CCL26: variants seen among roughly 807,000 people sequenced by gnomAD.
CCL26 encodes C-C motif chemokine 26.
Under a neutral mutation model 10.7 loss-of-function variants are expected in CCL26, and 10 were observed. The ratio of observed to expected loss-of-function variants is 0.93; its 90% CI spans 0.57 to 1.58. The LOEUF (loss-of-function observed/expected upper bound fraction) is 1.58, where lower values mean the gene tolerates loss of function less well. Among genes scored for constraint, CCL26 ranks in the 40% most tolerant of loss-of-function variants. The pLI is 0.00. For synonymous variants in CCL26, 43 were observed against 41.4 expected (o/e 1.04, Z -0.15); for missense variants, 116 against 111.0 (o/e 1.05, Z -0.20).
intron 1 of CCL26, among the ~76,000 whole-genome samples, chr7:75,789,094 T>G: frequency 8.4e-6 from 1 of 119,194 alleles, no homozygotes; most frequent in Admixed American, 9.6e-5. Context: ...GTTCATTTTT[T>G]GATTTTTTTT....
At chr7:75,786,777 A>G (rs4732397) in intron 1 of CCL26, among the ~76,000 whole-genome samples, 115,777 of 152,128 alleles carry the variant, frequency 0.76, 44,279 homozygotes, top group African/African-American at 0.83. Context: ...CCCACACAAG[A>G]CAAATGGTTC....
intron 1 of CCL26, among the ~76,000 whole-genome samples, chr7:75,783,800 AAAAG>A (rs1448975068): frequency 1.3e-5 from 2 of 151,740 alleles, no homozygotes; most frequent in Admixed American, 6.6e-5. Context: ...AAAAAAAAAA[AAAAG>A]AAAGAAACTA....
At chr7:75,781,748 C>T (rs891737837) in intron 1 of CCL26, among the ~76,000 whole-genome samples, 4 of 152,112 alleles carry the variant, frequency 2.6e-5, no homozygotes. Context: ...CGCCCCTGCC[C>T]GCCAGAGAAC....
chr7:75,775,409 C>G (rs1554528599), upstream of CCL26, among the ~76,000 whole-genome samples: 1 of 152,116 alleles, frequency 6.6e-6, no homozygotes, highest in Non-Finnish European at 1.5e-5. Context: ...GACAAGGATT[C>G]TGGTGCAAGT....
intron 1 of CCL26, among the ~76,000 whole-genome samples, chr7:75,780,906 T>C (rs1419528681): frequency 1.3e-5 from 2 of 152,172 alleles, no homozygotes; most frequent in East Asian, 3.8e-4. Context: ...ACAGTTTCGT[T>C]CCATGACTAG....
chr7:75,774,984 C>T (rs1802905012), upstream of CCL26, among the ~76,000 whole-genome samples: 1 of 152,046 alleles, frequency 6.6e-6, no homozygotes, highest in Non-Finnish European at 1.5e-5. Context: ...CTTTGGTAGG[C>T]TGATGGGGGT....
upstream of CCL26, among the ~76,000 whole-genome samples, chr7:75,775,090 C>T (rs1311962521): frequency 1.3e-5 from 2 of 151,712 alleles, no homozygotes; most frequent in Admixed American, 6.6e-5. Flanking sequence ...CATGGTGTCG[C>T]GTGTCTGTAA....
upstream of CCL26, among the ~76,000 whole-genome samples, chr7:75,773,767 G>A (rs554694239): frequency 2.0e-5 from 3 of 151,084 alleles, no homozygotes; most frequent in East Asian, 4.0e-4. Context: ...CTTGTAATCC[G>A]AGCAACTTGG....
At chr7:75,782,728 G>A (rs782399230) in intron 1 of CCL26, among the ~76,000 whole-genome samples, 54 of 151,936 alleles carry the variant, frequency 3.6e-4, no homozygotes, top group Non-Finnish European at 6.5e-4. Flanking sequence ...AATTTTTGTC[G>A]AAAAATGGGC....
At chr7:75,786,453 G>A (rs1022640129) in intron 1 of CCL26, among the ~76,000 whole-genome samples, 16 of 152,092 alleles carry the variant, frequency 1.1e-4, no homozygotes, top group African/African-American at 2.7e-4. Context: ...GGGACTACGC[G>A]TCAATATTTA....
At chr7:75,783,174 C>T (rs1803103965) in intron 1 of CCL26, among the ~76,000 whole-genome samples, 1 of 152,194 alleles carries the variant, frequency 6.6e-6, no homozygotes, top group African/African-American at 2.4e-5. Context: ...TGTTTAGGCT[C>T]TTTCTCATCA....
intron 1 of CCL26, among the ~76,000 whole-genome samples, chr7:75,788,084 C>T (rs1554530242): frequency 6.6e-6 from 1 of 152,008 alleles, no homozygotes; most frequent in African/African-American, 2.4e-5. Flanking sequence ...TCTCTCCATA[C>T]CACCCCCAAA....
intron 1 of CCL26, among the ~76,000 whole-genome samples, chr7:75,787,730 T>A (rs1423477228): frequency 2.1e-5 from 3 of 140,534 alleles, no homozygotes; most frequent in African/African-American, 7.9e-5. Context: ...AAGGACTCTG[T>A]CAAAAACAGA....
chr7:75,776,542 AAGGAAGGAAGGAAGGAAG>A (rs1554528721), upstream of CCL26, among the ~76,000 whole-genome samples: 1 of 100,894 alleles, frequency 9.9e-6, no homozygotes, highest in Non-Finnish European at 2.6e-5. Flanking sequence ...GGAAGGAAGG[AAGGAAGGAAGGAAGGAAG>A]GAAGGAAGGA....
At position 75,772,127 on chromosome 7, in the gene CCL26, C is replaced by A. The variant is rs1554528202; in HGVS notation, c.50G>T (p.Ser17Ile). Residue 17 changes from serine to isoleucine, a missense_variant, in exon 1 of 3, where the codon AGT (serine) becomes ATT (isoleucine). Coordinates refer to ENST00000005180, the MANE Select transcript of CCL26 (RefSeq NM_001371938.1). The stretch of plus-strand genomic sequence containing the variant: ...ACGTGTGGCAGTTCCAAGGTGGAGA[C>A]TCAGGAGGGAGGCCAGGAGCACAGC... ...ASAVLLASLL[S>I]LHLGTATRGS... 1.3e-6 allele frequency: 2 copies of A among 1,565,352 alleles called. No homozygotes were observed. The highest frequency in any genetic ancestry group is 4.8e-5 in the East Asian group (2 of 41,740).
rs1240778382 is a variant in CCL26, at chr7:75,772,193, C to A, written c.-17G>T. 1 of 1,545,492 alleles carries A rather than the reference C, an allele frequency of 6.5e-7. No individual in the cohort carries two copies. The highest frequency in any genetic ancestry group is 8.7e-7 in the Non-Finnish European group (1 of 1,142,988). ...GCCCATCATGATGCTGCAAATCAGGCCCTTCTCAGGTTTCTCCCAAACTCC... is the reference window on the plus strand; with the variant it reads ...GCCCATCATGATGCTGCAAATCAGGACCTTCTCAGGTTTCTCCCAAACTCC... On this transcript the variant is annotated 5_prime_UTR_variant, in exon 1 of 3. Transcript: ENST00000005180.
chr7:75,777,823 CTTT>C (rs112719253), intron 1 of CCL26, among the ~76,000 whole-genome samples: 1 of 137,036 alleles, frequency 7.3e-6, no homozygotes, highest in African/African-American at 2.7e-5. Flanking sequence ...CAAAACTAAT[CTTT>C]TTTTTTTTTT....
At position 75,772,186 on chromosome 7, in the gene CCL26, A is replaced by G. The variant is rs377727784; in HGVS notation, c.-10T>C. 1.7e-5 allele frequency: 27 copies of G among 1,548,230 alleles called. No homozygotes were observed. In the Middle Eastern group the frequency reaches 6.3e-4, roughly 36 times the overall value. On this transcript the variant is annotated 5_prime_UTR_variant, in exon 1 of 3. Coordinates refer to ENST00000005180, the MANE Select transcript of CCL26 (RefSeq NM_001371938.1). ...AGGAGAGGCCCATCATGATGCTGCA[A>G]ATCAGGCCCTTCTCAGGTTTCTCCC...
At chr7:75,783,042 C>T (rs183642133) in intron 1 of CCL26, among the ~76,000 whole-genome samples, 74 of 152,260 alleles carry the variant, frequency 4.9e-4, no homozygotes, top group African/African-American at 1.5e-3. Context: ...CTTACAGTTT[C>T]GTTCCGTGAC....
Sources: allele counts gnomAD v4.1 joint callset (sites outside exome capture counted in the v4.1 genomes callset), GRCh38; gene constraint gnomAD v4.1.1; transcripts MANE v1.5; gene names NCBI Gene and HGNC (gene_info 2026-07-23, HGNC 2026-07-21).